Variants in NDUFAF5 observed in about 807,000 individuals in gnomAD.
The protein encoded by NDUFAF5 is NADH:ubiquinone oxidoreductase complex assembly factor 5, also known as arginine-hydroxylase NDUFAF5, mitochondrial.
A neutral mutation model predicts 48.9 loss-of-function variants in NDUFAF5; 34 were observed. The ratio of observed to expected loss-of-function variants is 0.70; its 90% CI spans 0.53 to 0.93. NDUFAF5 has a LOEUF of 0.93. Ranked by LOEUF, NDUFAF5 falls within the 40% of genes least tolerant of loss-of-function variation. The pLI is 0.00. For synonymous variants in NDUFAF5, 153 were observed against 150.6 expected (o/e 1.02, Z -0.12); for missense variants, 428 against 427.5 (o/e 1.00, Z -0.01).
intron 1 of NDUFAF5, 42 bp from the exon 2 acceptor site, chr20:13,787,270 G>T: frequency 6.2e-7 from 1 of 1,605,508 alleles, no homozygotes. Flanking sequence ...TGGAAAAAGA[G>T]TGTTACTTCC....
intron 6 of NDUFAF5, 87 bp downstream of exon 6, chr20:13,798,587 T>C (rs1326540255): frequency 1.9e-6 from 2 of 1,067,326 alleles, no homozygotes; most frequent in East Asian, 4.8e-5. Context: ...CACATACTAT[T>C]TACTTGTAGG....
intron 3 of NDUFAF5, among the ~76,000 whole-genome samples, chr20:13,791,370 A>G (rs1020243346): frequency 3.9e-5 from 6 of 152,310 alleles, no homozygotes; most frequent in African/African-American, 1.2e-4. Flanking sequence ...ACCCATCTCA[A>G]AAGGTTGGTA....
At chr20:13,796,114 G>A (rs926757244) in intron 5 of NDUFAF5, among the ~76,000 whole-genome samples, 13 of 152,176 alleles carry the variant, frequency 8.5e-5, no homozygotes, top group African/African-American at 2.9e-4. Flanking sequence ...TCCACGTCCA[G>A]TTCAACTCTT....
intron 5 of NDUFAF5, among the ~76,000 whole-genome samples, chr20:13,796,480 A>G (rs1600342546): frequency 6.6e-6 from 1 of 152,346 alleles, no homozygotes; most frequent in East Asian, 1.9e-4. Flanking sequence ...TAGTTTTTAA[A>G]GTATCTAATA....
At chr20:13,797,644 C>T (rs184442557) in intron 5 of NDUFAF5, among the ~76,000 whole-genome samples, 90 of 152,216 alleles carry the variant, frequency 5.9e-4, no homozygotes, top group African/African-American at 2.1e-3. Flanking sequence ...CTCTATGATA[C>T]TATTATAATA....
chr20:13,809,329 A>G (rs565948545), intron 8 of NDUFAF5, among the ~76,000 whole-genome samples: 47 of 152,268 alleles, frequency 3.1e-4, no homozygotes, highest in African/African-American at 1.1e-3. Flanking sequence ...GTCAGGGGGA[A>G]ATGTCCCAGT....
chr20:13,795,814 G>C (rs528062371), intron 5 of NDUFAF5, among the ~76,000 whole-genome samples: 1 of 152,262 alleles, frequency 6.6e-6, no homozygotes, highest in African/African-American at 2.4e-5. Context: ...GCAAGACCCT[G>C]TCTCAAAATA....
intron 7 of NDUFAF5, chr20:13,801,962 T>C (rs1317962092): frequency 5.6e-6 from 2 of 359,892 alleles, no homozygotes; most frequent in Non-Finnish European, 1.0e-5. Context: ...AACATACAAC[T>C]CCATTAGAAT....
intron 5 of NDUFAF5, among the ~76,000 whole-genome samples, chr20:13,796,806 C>T (rs1245227204): frequency 2.6e-5 from 4 of 152,182 alleles, no homozygotes; most frequent in African/African-American, 9.7e-5. Context: ...TGGTGAAACC[C>T]TGTCTTTACT....
chr20:13,813,271 A>G (rs192573161), intron 8 of NDUFAF5, among the ~76,000 whole-genome samples: 3 of 152,340 alleles, frequency 2.0e-5, no homozygotes, highest in Non-Finnish European at 2.9e-5. Context: ...ATATTTTCAG[A>G]AACTATGGCC....
At chr20:13,815,405 C>G (rs1411011807) in intron 8 of NDUFAF5, among the ~76,000 whole-genome samples, 1 of 152,172 alleles carries the variant, frequency 6.6e-6, no homozygotes, top group Non-Finnish European at 1.5e-5. Flanking sequence ...AATTAACCTA[C>G]TAGTTTGTGT....
chr20:13,813,558 A>G (rs576342658), intron 8 of NDUFAF5, among the ~76,000 whole-genome samples: 1 of 152,358 alleles, frequency 6.6e-6, no homozygotes, highest in South Asian at 2.1e-4. Context: ...ATGTTGTACT[A>G]GGGAAGAAGA....
intron 1 of NDUFAF5, among the ~76,000 whole-genome samples, chr20:13,786,293 G>A (rs951725161): frequency 5.9e-5 from 9 of 152,098 alleles, no homozygotes; most frequent in African/African-American, 2.2e-4. Context: ...TCTTAGGCTG[G>A]TAATGTCTAT....
intron 7 of NDUFAF5, among the ~76,000 whole-genome samples, chr20:13,808,079 G>A (rs1224619409): frequency 6.6e-6 from 1 of 152,178 alleles, no homozygotes; most frequent in African/African-American, 2.4e-5. Flanking sequence ...TCTTGTAGCT[G>A]TGCCATCTGG....
intron 5 of NDUFAF5, among the ~76,000 whole-genome samples, chr20:13,796,198 A>G (rs1454027851): frequency 6.6e-6 from 1 of 152,194 alleles, no homozygotes; most frequent in Non-Finnish European, 1.5e-5. Context: ...TGAAAGTCTT[A>G]TGTTCTGGGA....
intron 6 of NDUFAF5, among the ~76,000 whole-genome samples, chr20:13,799,213 G>A (rs1175494595): frequency 6.6e-6 from 1 of 152,150 alleles, no homozygotes; most frequent in Middle Eastern, 3.2e-3. Flanking sequence ...GTCAGGTTGA[G>A]GAATTTGGAG....
At position 13,808,907 on chromosome 20, in the gene NDUFAF5, G is replaced by A; in HGVS notation, c.778+5G>A. 6.3e-7 allele frequency: 1 copy of A among 1,595,300 alleles called. No homozygotes were observed. The highest frequency in any genetic ancestry group is 8.6e-7 in the Non-Finnish European group (1 of 1,163,088). On this transcript the variant is annotated splice_donor_5th_base_variant and intron_variant, in intron 8 of 10. Transcript: ENST00000378106. ...AATTGATGGAAGATTTACAAGGTAAGGCACTTTAAAGAATTTTTAGACTCC... is the reference window on the plus strand; with the variant it reads ...AATTGATGGAAGATTTACAAGGTAAAGCACTTTAAAGAATTTTTAGACTCC...
At chr20:13,798,522 C>T in intron 6 of NDUFAF5, 22 bp downstream of exon 6, 1 of 1,565,370 alleles carries the variant, frequency 6.4e-7, no homozygotes, top group South Asian at 1.1e-5. Flanking sequence ...TATGTTCATT[C>T]AACTATCTTG....
chr20:13,799,586 C>A (rs1344632241), intron 6 of NDUFAF5, among the ~76,000 whole-genome samples: 2 of 151,866 alleles, frequency 1.3e-5, no homozygotes, highest in Admixed American at 6.6e-5. Context: ...GTAATCCCAG[C>A]TACTTGGGAT....
Sources: allele counts gnomAD v4.1 joint callset (sites outside exome capture counted in the v4.1 genomes callset), GRCh38; gene constraint gnomAD v4.1.1; transcripts MANE v1.5; gene names NCBI Gene and HGNC (gene_info 2026-07-23, HGNC 2026-07-21).